Variants in EXOSC9 observed in about 807,000 individuals in gnomAD.
EXOSC9 encodes exosome component 9.
In EXOSC9, 38 loss-of-function variants were observed where a neutral mutation model predicts 56.5. The ratio of observed to expected loss-of-function variants is 0.67; its 90% CI spans 0.52 to 0.88. EXOSC9 has a LOEUF of 0.88. Ranked by LOEUF, EXOSC9 falls within the 40% of genes least tolerant of loss-of-function variation. The pLI is 0.00. For missense variants in EXOSC9, 559 were observed against 530.5 expected (o/e 1.05, Z -0.53); for synonymous variants, 170 against 170.8 (o/e 0.99, Z 0.04).
In EXOSC9 at chr4:121,813,882, C is replaced by T. The variant is rs1724359091; in HGVS notation, c.991C>T (p.Leu331=). Residue 331 remains leucine, a synonymous_variant, in exon 10 of 12, where the codon CTA becomes TTA. Coordinates refer to ENST00000243498, the MANE Select transcript of EXOSC9 (RefSeq NM_005033.3). ...CTTGTTAAGTGTTTCTACACCTGTG[C>T]TATGGACTCCTGGAACTGCCCAAAT... The part of the protein sequence containing the change: ...PPSEVVSTPV[L]WTPGTAQIGE... The T allele has an allele frequency of 1.9e-6, 3 of 1,611,822 alleles. No homozygotes were observed. Among genetic ancestry groups the T allele is most frequent in the East Asian group, 2.2e-5 (1 of 44,838 alleles).
chr4:121,804,855 T>G, intron 5 of EXOSC9, 96 bp downstream of exon 5: 1 of 1,059,294 alleles, frequency 9.4e-7, no homozygotes, highest in Non-Finnish European at 1.3e-6. Context: ...ATGTTGTAGA[T>G]GGCAATTGGG....
At chr4:121,801,984 C>A in intron 2 of EXOSC9, 63 bp downstream of exon 2, 2 of 1,153,562 alleles carry the variant, frequency 1.7e-6, no homozygotes, top group Non-Finnish European at 2.6e-6. Flanking sequence ...ACCTTATTGA[C>A]TTGGTTGTTT....
chr4:121,802,880 C>A, intron 3 of EXOSC9, 35 bp from the exon 4 acceptor site: 1 of 1,609,572 alleles, frequency 6.2e-7, no homozygotes, highest in Non-Finnish European at 8.5e-7. Context: ...TGTTATATTT[C>A]ATGACATTAG....
chr4:121,808,122 T>G (rs1727101047), intron 6 of EXOSC9, among the ~76,000 whole-genome samples: 1 of 152,198 alleles, frequency 6.6e-6, no homozygotes, highest in Admixed American at 6.5e-5. Context: ...TGCTAAATCC[T>G]CCTGTGGCAG....
At chr4:121,809,707 T>G in intron 6 of EXOSC9, 1 of 478,090 alleles carries the variant, frequency 2.1e-6, no homozygotes. Context: ...TAGGTTTAGA[T>G]TATATATCAT....
At chr4:121,808,515 A>G (rs1304532004) in intron 6 of EXOSC9, among the ~76,000 whole-genome samples, 34 of 151,958 alleles carry the variant, frequency 2.2e-4, no homozygotes, top group Admixed American at 2.1e-3. Context: ...ATGCACCACC[A>G]TGCCTAGCTA....
intron 7 of EXOSC9, 131 bp from the exon 8 acceptor site, chr4:121,811,452 T>G (rs959006719): frequency 3.9e-6 from 2 of 518,450 alleles, no homozygotes; most frequent in Admixed American, 3.9e-5. Context: ...TAATCTGTGT[T>G]TACATTGTAT....
chr4:121,805,289 A>G (rs935869430), intron 5 of EXOSC9, among the ~76,000 whole-genome samples: 7 of 152,224 alleles, frequency 4.6e-5, no homozygotes, highest in Non-Finnish European at 8.8e-5. Flanking sequence ...TTGTACTTCT[A>G]ACTTTGAGTT....
intron 6 of EXOSC9, among the ~76,000 whole-genome samples, chr4:121,808,917 C>T (rs986537867): frequency 1.3e-5 from 2 of 151,948 alleles, no homozygotes; most frequent in Non-Finnish European, 2.9e-5. Flanking sequence ...TCAAGTGATC[C>T]GCCTATCTCC....
At position 121,816,999 on chromosome 4, in the gene EXOSC9, A is replaced by AAAAT. The variant is rs1321050554; in HGVS notation, c.*146_*149dup. On this transcript the variant is annotated 3_prime_UTR_variant, in exon 12 of 12. Transcript: ENST00000243498. ...TAGTTTTTTGTTTTTAATGTGCTTT[A>AAAAT]AAATAATAAACCTTCTGGAGCATTT... is the stretch of plus-strand genomic sequence containing the variant. 3.7e-6 allele frequency: 3 copies of AAAAT among 812,832 alleles called. No individual in the cohort carries two copies. The highest frequency in any genetic ancestry group is 3.0e-5 in the East Asian group (1 of 33,818). The allele number at this position is 812,832 out of a possible 1,614,324, so 50.4% of individuals were successfully genotyped here. A position where few individuals can be genotyped will look rare whatever the true frequency, so the allele number is the denominator to read the frequency against.
rs778847636 is a variant in EXOSC9, at chr4:121,813,948, T to G, written c.1057T>G (p.Ser353Ala). The G allele has an allele frequency of 6.2e-7, 1 of 1,613,622 alleles. No individual in the cohort carries two copies. Among genetic ancestry groups the G allele is most frequent in the African/African-American group, 1.3e-5 (1 of 75,002 alleles). ...AAACTCCTGGGGTGATCTTGAAGAC[T>G]CTGAGAAGGAAGATGATGAAGGCGG... The part of the protein sequence containing the change: ...VENSWGDLED[S>A]EKEDDEGGGD... Residue 353 changes from serine (S) to alanine (A), a missense_variant, in exon 10 of 12, where the codon TCT (serine) becomes GCT (alanine). Ser to Ala is a moderately conservative substitution (Grantham distance 99, BLOSUM62 1). Coordinates refer to ENST00000243498, the MANE Select transcript of EXOSC9 (RefSeq NM_005033.3).
rs750005162 is a variant in EXOSC9, at chr4:121,816,352, T to C, written c.1157-17T>C. ...CTTAACTTTTTTTTTTTTTTTTAAA[T>C]TAATAAAAAAACAAAGATGCTCCCA... On this transcript the variant is annotated splice_polypyrimidine_tract_variant and intron_variant, in intron 10 of 11. Coordinates refer to ENST00000243498, the MANE Select transcript of EXOSC9 (RefSeq NM_005033.3). The C allele has an allele frequency of 7.2e-7, 1 of 1,380,174 alleles. No individual in the cohort carries two copies. Among genetic ancestry groups the C allele is most frequent in the Admixed American group, 2.4e-5 (1 of 41,728 alleles). The allele number at this position is 1,380,174 out of a possible 1,614,324, so 85.5% of individuals were successfully genotyped here.
intron 11 of EXOSC9, 41 bp downstream of exon 11, chr4:121,816,488 C>T (rs766002721): frequency 7.9e-7 from 1 of 1,259,874 alleles, no homozygotes; most frequent in South Asian, 1.4e-5. Context: ...TACATATACT[C>T]AACACTTATA....
At chr4:121,807,703 A>G (rs1196847517) in intron 6 of EXOSC9, 81 bp downstream of exon 6, 1 of 867,804 alleles carries the variant, frequency 1.2e-6, no homozygotes, top group Non-Finnish European at 2.0e-6. Flanking sequence ...TCATGTTAAT[A>G]TTAAACAAAC....
chr4:121,816,538 A>T, intron 11 of EXOSC9, 91 bp downstream of exon 11: 1 of 897,188 alleles, frequency 1.1e-6, no homozygotes, highest in South Asian at 1.9e-5. Context: ...TTGCCACATG[A>T]CTATAAACAA....
chr4:121,802,335 A>C (rs1726891915), intron 2 of EXOSC9, among the ~76,000 whole-genome samples: 1 of 152,234 alleles, frequency 6.6e-6, no homozygotes, highest in Non-Finnish European at 1.5e-5. Context: ...GTGGTGAACT[A>C]TGCCATGTGA....
At chr4:121,807,886 G>A (rs551536449) in intron 6 of EXOSC9, 1 of 505,198 alleles carries the variant, frequency 2.0e-6, no homozygotes, top group East Asian at 3.5e-5. Context: ...CTATGGCATG[G>A]TAGTGTTTTA....
chr4:121,810,064 C>A lies in EXOSC9; in HGVS notation c.703C>A (p.Gln235Lys), dbSNP rs1171272693. ...MNKHREICTI[Q>K]SSGGIMLLKD... ...CAAACATCGAGAGATTTGTACTATC[C>A]AGTCCAGTGGTGGGATAATGCTACT... Residue 235 changes from glutamine to lysine, a missense_variant, in exon 7 of 12, where the codon CAG (glutamine) becomes AAG (lysine). Coordinates refer to ENST00000243498, the MANE Select transcript of EXOSC9 (RefSeq NM_005033.3). 1.9e-6 allele frequency: 3 copies of A among 1,613,712 alleles called. No individual in the cohort carries two copies. The African/African-American group carries it at 4.0e-5, about 22-fold the overall frequency.
Position 121,815,747 on chromosome 4 carries a change from CTG to C in EXOSC9, c.1157-621_1157-620del, listed in dbSNP as rs1040058751. The C allele has an allele frequency of 7.5e-5, 74 of 990,954 alleles. No homozygotes were observed. The African/African-American group carries it at 1.0e-3, about 14-fold the overall frequency. The allele number at this position is 990,954 out of a possible 1,614,324, so 61.4% of individuals were successfully genotyped here. On this transcript the variant is annotated intron_variant, in intron 10 of 11. Coordinates refer to ENST00000243498, the MANE Select transcript of EXOSC9 (RefSeq NM_005033.3). ...GTTCTTTTATTTCTTGGAATGTAAA[CTG>C]GAACTATTTCTGGAGGAATAGAGTA...
Sources: gnomAD v4.1 joint callset for allele counts (sites outside exome capture counted in the v4.1 genomes callset) on GRCh38, gnomAD v4.1.1 for gene constraint, MANE v1.5 for transcripts, NCBI Gene and HGNC (gene_info 2026-07-23, HGNC 2026-07-21) for gene names.